Variants in YEATS2 observed in about 807,000 individuals in gnomAD.
YEATS2 encodes the protein YEATS domain containing 2.
In YEATS2, 77 loss-of-function variants were observed where a neutral mutation model predicts 163.2. The observed-to-expected ratio is 0.47, with a 90% CI of 0.39 to 0.57. YEATS2 has a LOEUF of 0.57. YEATS2 is among the 20% of genes least tolerant of loss of function. The pLI, the probability that YEATS2 is intolerant of heterozygous loss-of-function variation, is 0.00. For missense variants in YEATS2, 1,549 were observed against 1,729.8 expected, an observed-to-expected ratio of 0.90 and a Z score of 1.85; for synonymous variants, 631 against 645.1, an observed-to-expected ratio of 0.98 and a Z score of 0.33.
Position 183,803,492 on chromosome 3 carries a change from C to T in YEATS2, c.3582+157C>T, listed in dbSNP as rs199947977. Reference sequence around the variant, plus strand: ...TTTTCAAAGACCTGTATCCAGCTGACTTTCAGGCGTGCCTTCTTTTCCTGC... The same window carrying T: ...TTTTCAAAGACCTGTATCCAGCTGATTTTCAGGCGTGCCTTCTTTTCCTGC... On this transcript the variant is annotated intron_variant, in intron 26 of 30. Coordinates refer to ENST00000305135, the MANE Select transcript of YEATS2 (RefSeq NM_018023.5). 3.2e-5 allele frequency: 23 copies of T among 723,372 alleles called. No homozygotes were observed. The East Asian group carries it at 6.3e-4, about 20-fold the overall frequency. 44.8% of individuals were successfully genotyped at this position (723,372 alleles called of 1,614,324 possible).
At chr3:183,807,184 C>T (rs985688920) in intron 28 of YEATS2, 92 bp downstream of exon 28, 11 of 1,155,154 alleles carry the variant, frequency 9.5e-6, no homozygotes, top group Non-Finnish European at 1.2e-5. Flanking sequence ...CCCAGGTGTT[C>T]AGCCTCACAG....
intron 20 of YEATS2, among the ~76,000 whole-genome samples, chr3:183,789,525 ATTTTTTTTTTT>A (rs143473253): frequency 0.027 from 1,773 of 66,442 alleles, 46 homozygotes; most frequent in African/African-American, 0.11. Flanking sequence ...ATTCGAGTTA[ATTTTTTTTTTT>A]TTTTTTTTTT....
At chr3:183,737,256 T>A (rs1382530079) in intron 8 of YEATS2, among the ~76,000 whole-genome samples, 1 of 152,168 alleles carries the variant, frequency 6.6e-6, no homozygotes, top group Non-Finnish European at 1.5e-5. Context: ...AGAAAATCCG[T>A]GTATAAGCAG....
At chr3:183,810,380 T>C (rs531566592) in intron 30 of YEATS2, 95 bp from the exon 31 acceptor site, 3 of 1,177,798 alleles carry the variant, frequency 2.5e-6, no homozygotes, top group African/African-American at 3.0e-5. Context: ...ACGGGGCCTC[T>C]GCCTGGGATG....
intron 15 of YEATS2, among the ~76,000 whole-genome samples, chr3:183,763,936 C>T (rs1721635645): frequency 6.6e-6 from 1 of 152,042 alleles, no homozygotes; most frequent in Non-Finnish European, 1.5e-5. Context: ...TGGTGGGTGG[C>T]ATGCACCTGT....
At chr3:183,733,248 T>C (rs917609432) in intron 7 of YEATS2, among the ~76,000 whole-genome samples, 4 of 152,274 alleles carry the variant, frequency 2.6e-5, no homozygotes, top group African/African-American at 9.6e-5. Flanking sequence ...TAACTTCCTC[T>C]AACTTCTAAA....
At chr3:183,774,027 G>A (rs77556559) in intron 17 of YEATS2, among the ~76,000 whole-genome samples, 4,161 of 152,236 alleles carry the variant, frequency 0.027, 194 homozygotes, top group African/African-American at 0.093. Flanking sequence ...AGAGATGGCT[G>A]GTGAGGCTGT....
At chr3:183,764,105 C>T (rs1161630662) in intron 15 of YEATS2, among the ~76,000 whole-genome samples, 3 of 152,034 alleles carry the variant, frequency 2.0e-5, no homozygotes, top group African/African-American at 7.2e-5. Flanking sequence ...GGCACGGTGG[C>T]TCACGCCCGT....
chr3:183,787,966 C>G (rs1382632543), intron 20 of YEATS2, among the ~76,000 whole-genome samples: 1 of 152,056 alleles, frequency 6.6e-6, no homozygotes, highest in Non-Finnish European at 1.5e-5. Context: ...TTGCGCCACT[C>G]CACTCCAGCC....
At chr3:183,804,325 C>A in intron 27 of YEATS2, 137 bp downstream of exon 27, 1 of 988,932 alleles carries the variant, frequency 1.0e-6, no homozygotes, top group Admixed American at 2.7e-5. Flanking sequence ...TTCGTGGGAC[C>A]GTGCAGTCCC....
At chr3:183,747,546 C>T in intron 8 of YEATS2, 126 bp from the exon 9 acceptor site, 2 of 531,286 alleles carry the variant, frequency 3.8e-6, no homozygotes, top group South Asian at 4.7e-5. Context: ...TTATATTTTA[C>T]ATTATGAAAA....
intron 19 of YEATS2, among the ~76,000 whole-genome samples, chr3:183,781,452 C>T (rs772695381): frequency 2.0e-5 from 3 of 152,136 alleles, no homozygotes; most frequent in African/African-American, 4.8e-5. Flanking sequence ...CCCACGTTGG[C>T]GAGGGCGGAT....
rs768477121 is a variant in YEATS2 at position 183,758,962 on chromosome 3, C to T, written c.1653C>T (p.Val551=). 13 of 1,550,850 alleles carry T rather than the reference C, an allele frequency of 8.4e-6. No homozygotes were observed. The South Asian group carries it at 1.6e-4, about 19-fold the overall frequency. The change falls in exon 13 of 31, where the codon GTC becomes GTT. Residue 551 remains valine (V), a synonymous_variant. Transcript: ENST00000305135. Reference sequence around the variant, plus strand: ...GAAGTAGTTTTGTAACATCTACTGTCAAGGTAACATTCTTACTGCGTTATT... The same window carrying T: ...GAAGTAGTTTTGTAACATCTACTGTTAAGGTAACATTCTTACTGCGTTATT... ...IHGSSFVTST[V]KQEDSLFASM...
chr3:183,708,615 C>G (rs1485600562), intron 1 of YEATS2, among the ~76,000 whole-genome samples: 1 of 152,020 alleles, frequency 6.6e-6, no homozygotes, highest in Non-Finnish European at 1.5e-5. Flanking sequence ...TTACAAATCT[C>G]AGCACTTTGG....
chr3:183,761,725 T>C, intron 14 of YEATS2, 111 bp downstream of exon 14: 1 of 983,726 alleles, frequency 1.0e-6, no homozygotes, highest in Admixed American at 2.0e-5. Flanking sequence ...TCTCAACTCC[T>C]CATTCTGAGA....
At chr3:183,701,161 A>G (rs1315534037) in intron 1 of YEATS2, among the ~76,000 whole-genome samples, 1 of 150,278 alleles carries the variant, frequency 6.7e-6, no homozygotes, top group Non-Finnish European at 1.5e-5. Context: ...AGCTCTCTGC[A>G]AGCTCTGCCT....
intron 15 of YEATS2, among the ~76,000 whole-genome samples, chr3:183,764,537 C>T (rs1721707039): frequency 6.6e-6 from 1 of 152,152 alleles, no homozygotes. Flanking sequence ...GAGCTTGTCG[C>T]AGTGGCTCAC....
At chr3:183,784,744 G>A (rs899050378) in intron 19 of YEATS2, among the ~76,000 whole-genome samples, 4 of 151,308 alleles carry the variant, frequency 2.6e-5, no homozygotes, top group Non-Finnish European at 5.9e-5. Flanking sequence ...GAGGTCCTAC[G>A]GCCTGAAAGC....
intron 21 of YEATS2, among the ~76,000 whole-genome samples, chr3:183,797,138 A>G (rs1481230465): frequency 1.3e-5 from 2 of 151,922 alleles, no homozygotes; most frequent in Non-Finnish European, 2.9e-5. Flanking sequence ...GCATGGTGGC[A>G]TGCGCCTGTA....
Sources: allele counts gnomAD v4.1 joint callset (sites outside exome capture counted in the v4.1 genomes callset), GRCh38; gene constraint gnomAD v4.1.1; transcripts MANE v1.5; gene names NCBI Gene and HGNC (gene_info 2026-07-23, HGNC 2026-07-21).